The following RAVER1 variants were observed in gnomAD, a reference collection of about 807,000 sequenced individuals.
RAVER1 encodes ribonucleoprotein PTB-binding 1.
RAVER1 carries 36 observed loss-of-function variants against 68.4 expected under a neutral mutation model. That is an observed-to-expected ratio of 0.53 (90% CI 0.40 to 0.70). The LOEUF is 0.70. Among genes scored for constraint, RAVER1 ranks in the 30% least tolerant of loss-of-function variants. RAVER1 has a pLI of 0.00. For synonymous variants in RAVER1, 469 were observed against 472.7 expected (o/e 0.99, Z 0.10); for missense variants, 933 against 1,019.8 (o/e 0.91, Z 1.16).
rs141673672 is a variant in RAVER1 at position 10,327,349 on chromosome 19, G to A, written c.756+1293C>T. 1.2e-3 allele frequency among the ~76,000 whole-genome samples: 180 copies of A among 151,558 alleles called. 1 individual carries two copies. Among genetic ancestry groups the A allele is most frequent in the African/African-American group, 4.0e-3 (165 of 41,316 alleles). Reference sequence around the variant, plus strand: ...TGCGATCATGGCTCACTGCAGCCTCGGACTCCCAGAATCAGGCAATCCTCC... The same window carrying A: ...TGCGATCATGGCTCACTGCAGCCTCAGACTCCCAGAATCAGGCAATCCTCC... On this transcript the variant is annotated intron_variant, in intron 3 of 12. Transcript: ENST00000617231.
In RAVER1 at chr19:10,317,652, G is replaced by T. The variant is rs1206461009; in HGVS notation, c.2073+38C>A. 6.5e-7 allele frequency: 1 copy of T among 1,538,652 alleles called. No homozygotes were observed. Among genetic ancestry groups the T allele is most frequent in the South Asian group, 1.2e-5 (1 of 85,456 alleles). ...GGTCAGGGGCCGCTGGGGGGCCGGG[G>T]CTTCCCAGCCCTGCATGTCCCCACC... is the stretch of plus-strand genomic sequence containing the variant. On this transcript the variant is annotated intron_variant, in intron 12 of 12. Coordinates refer to ENST00000617231, the MANE Select transcript of RAVER1 (RefSeq NM_133452.3). This position sits in a 1 kb window ranked among gnomAD's most constrained non-coding sequence, Gnocchi z 4.3.
chr19:10,321,569 GC>G lies in RAVER1; in HGVS notation c.1222del (p.Ala408ProfsTer99). The G allele has an allele frequency of 2.9e-6, 4 of 1,378,176 alleles. No homozygotes were observed. The highest frequency in any genetic ancestry group is 4.2e-5 in the South Asian group (2 of 48,090). The allele number at this position is 1,378,176 out of a possible 1,614,324, so 85.4% of individuals were successfully genotyped here. A position where few individuals can be genotyped will look rare whatever the true frequency, so the allele number is the denominator to read the frequency against. On this transcript the variant is annotated frameshift_variant, in exon 7 of 13. Transcript: ENST00000617231. LOFTEE classifies it high-confidence loss of function. ...DSPLGALQPG[A>X]QPANPLLGEL... ...CCCGAGGAGGGGGTTGGCTGGCTGG[GC>G]CCCAGGCTGGAGGGCGCCCAGGGGT...
rs749663647 is a variant in RAVER1, at chr19:10,317,501, C to G, written c.2173G>C (p.Gly725Arg). 6.2e-7 allele frequency: 1 copy of G among 1,613,628 alleles called. No homozygotes were observed. Among genetic ancestry groups the G allele is most frequent in the Non-Finnish European group, 8.5e-7 (1 of 1,179,666 alleles). ...SYVGQHSQGL[G>R]GHYADSYLKR... ...AGGTAGGAGTCCGCGTAGTGGCCGC[C>G]GAGGCCCTGGGAGTGCTGGCCCACA... Residue 725 changes from glycine to arginine, a missense_variant, in exon 13 of 13, where the codon GGC (glycine) becomes CGC (arginine). This residue lies in a region of RAVER1 where 699 missense variants were observed against 731.1 expected (regional missense o/e 0.96). Coordinates refer to ENST00000617231, the MANE Select transcript of RAVER1 (RefSeq NM_133452.3). This position sits in a 1 kb window ranked among gnomAD's most constrained non-coding sequence, Gnocchi z 4.3.
chr19:10,321,742 G>A, intron 6 of RAVER1, 124 bp from the exon 7 acceptor site: 1 of 670,770 alleles, frequency 1.5e-6, no homozygotes, highest in Middle Eastern at 2.7e-4. Context: ...GGGCAGACAG[G>A]CACAGGGTTC....
At chr19:10,327,119 T>A (rs368328574) in intron 3 of RAVER1, among the ~76,000 whole-genome samples, 1 of 152,050 alleles carries the variant, frequency 6.6e-6, no homozygotes, top group Non-Finnish European at 1.5e-5. Flanking sequence ...TTGCCCAGGC[T>A]AGTCTTGAAC....
chr19:10,328,996 C>T lies in RAVER1; in HGVS notation c.402G>A (p.Leu134=). 1 of 1,587,446 alleles carries T rather than the reference C, an allele frequency of 6.3e-7. No individual in the cohort carries two copies. The highest frequency in any genetic ancestry group is 8.6e-7 in the Non-Finnish European group (1 of 1,163,972). Residue 134 remains leucine, a synonymous_variant, in exon 3 of 13, where the codon CTG becomes CTA. Coordinates refer to ENST00000617231, the MANE Select transcript of RAVER1 (RefSeq NM_133452.3). The surrounding 1 kb of genome is among the most constrained non-coding windows in gnomAD (Gnocchi z 4.4). ...GGCTGGGGGGCAGGTTGGCCACACA[C>T]AGCAGGGCATCCGTGGGCTGCAGCT... is the stretch of plus-strand genomic sequence containing the variant. ...SVQLQPTDAL[L]CVANLPPSLT... is the part of the protein sequence containing the mutation.
chr19:10,320,493 G>C (rs957086429), intron 9 of RAVER1, among the ~76,000 whole-genome samples, 162 bp downstream of exon 9: 1 of 141,516 alleles, frequency 7.1e-6, no homozygotes, highest in Non-Finnish European at 1.5e-5. Context: ...AGCAGAGGGA[G>C]ACCCTGTCTC....
At chr19:10,331,070 C>A (rs2040512040) in intron 1 of RAVER1, among the ~76,000 whole-genome samples, 1 of 150,952 alleles carries the variant, frequency 6.6e-6, no homozygotes, top group South Asian at 2.1e-4. Context: ...AACAACAAGG[C>A]CGGGCGCGGT....
In RAVER1 at chr19:10,328,140, C is replaced by CA. The variant is rs2145080507; in HGVS notation, c.756+501dup. ...AATGCCTGGTCCAGGTCTGGGACCC[C>CA]ATGGGAGGTTTGACGAGGGTACCAG... On this transcript the variant is annotated intron_variant, in intron 3 of 12. Transcript: ENST00000617231. This position sits in a 1 kb window ranked among gnomAD's most constrained non-coding sequence, Gnocchi z 4.4. Among the ~76,000 whole-genome samples, 1 of 152,212 alleles carries CA rather than the reference C, an allele frequency of 6.6e-6. No individual in the cohort carries two copies. Among genetic ancestry groups the CA allele is most frequent in the African/African-American group, 2.4e-5 (1 of 41,546 alleles).
In RAVER1 at chr19:10,319,263, C is replaced by T. The variant is rs2040416854; in HGVS notation, c.1771-23G>A. On this transcript the variant is annotated intron_variant, in intron 9 of 12. Coordinates refer to ENST00000617231, the MANE Select transcript of RAVER1 (RefSeq NM_133452.3). The stretch of plus-strand genomic sequence containing the variant: ...GTCCTGAATGAAAGCGGGAGAAGCA[C>T]ATTGGGTTGGAGTCTGTCCCAGCCT... 3 of 1,612,024 alleles carry T rather than the reference C, an allele frequency of 1.9e-6. No individual in the cohort carries two copies. In the African/African-American group the frequency reaches 4.0e-5, roughly 21 times the overall value.
chr19:10,319,847 T>TCAGGCTGGTCTTGAACTCTTGAC (rs1363379019), intron 9 of RAVER1, among the ~76,000 whole-genome samples: 1 of 151,080 alleles, frequency 6.6e-6, no homozygotes, highest in Non-Finnish European at 1.5e-5. Context: ...TCCATGTTGG[T>TCAGGCTGGTCTTGAACTCTTGAC]CAGGCTGGTC....
intron 1 of RAVER1, among the ~76,000 whole-genome samples, chr19:10,331,390 C>CAAAAAAAAAAAAAAAAAAA (rs1568314187): frequency 3.1e-5 from 1 of 31,756 alleles, no homozygotes; most frequent in Non-Finnish European, 5.9e-5. Flanking sequence ...AAAATAACAA[C>CAAAAAAAAAAAAAAAAAAA]AACAAAAAAA....
intron 10 of RAVER1, 81 bp downstream of exon 10, chr19:10,319,085 G>A (rs1489753484): frequency 1.5e-6 from 2 of 1,315,038 alleles, no homozygotes; most frequent in Non-Finnish European, 2.2e-6. Context: ...AAGGTCTGCT[G>A]TTCCAGGCTA....
rs190240274 is a variant in RAVER1, at chr19:10,325,701, T to A, written c.757-2135A>T. On this transcript the variant is annotated intron_variant, in intron 3 of 12. Transcript: ENST00000617231. ...TGATGCATTCCTGTAGTTCCCCAGC[T>A]ACATGGGAGGCCAAGGTAGGAGGAT... is the stretch of plus-strand genomic sequence containing the variant. Among the ~76,000 whole-genome samples, 67 of 152,022 alleles carry A rather than the reference T, an allele frequency of 4.4e-4. No homozygotes were observed. The Middle Eastern group carries it at 0.014, about 31-fold the overall frequency.
rs953508758 is a variant in RAVER1, at chr19:10,333,404, T to C, written c.104A>G (p.Glu35Gly). 9.9e-6 allele frequency: 16 copies of C among 1,613,700 alleles called. No individual in the cohort carries two copies. Among genetic ancestry groups the C allele is most frequent in the Non-Finnish European group, 1.4e-5 (16 of 1,179,774 alleles). ...DAAERRAPEE[E>G]LPPLDPEEIR... The stretch of plus-strand genomic sequence containing the variant: ...CTCTTCTGGATCTAGAGGCGGCAGC[T>C]CTTCTTCCGGCGCCCGGCGCTCCGC... Residue 35 changes from glutamate to glycine, a missense_variant, in exon 1 of 13, where the codon GAG (glutamate) becomes GGG (glycine). By Grantham distance (98) the Glu-to-Gly change is moderately conservative. Transcript: ENST00000617231. This position sits in a 1 kb window ranked among gnomAD's most constrained non-coding sequence, Gnocchi z 4.2.
chr19:10,319,109 C>G, intron 10 of RAVER1, 57 bp downstream of exon 10: 1 of 1,506,820 alleles, frequency 6.6e-7, no homozygotes, highest in Non-Finnish European at 9.2e-7. Flanking sequence ...AGTCATGGCA[C>G]AGCCTGTCAT....
intron 9 of RAVER1, 30 bp downstream of exon 9, chr19:10,320,625 G>A: frequency 6.7e-7 from 1 of 1,487,270 alleles, no homozygotes; most frequent in Non-Finnish European, 8.9e-7. Flanking sequence ...TTTGGCCTTA[G>A]GGGACAGAGA....
At chr19:10,332,258 A>G (rs1002596672) in intron 1 of RAVER1, among the ~76,000 whole-genome samples, 5 of 152,138 alleles carry the variant, frequency 3.3e-5, no homozygotes, top group Admixed American at 1.3e-4. Context: ...TCAGCCTCTC[A>G]AAGTGCTGGG....
rs762230332 is a variant in RAVER1, at chr19:10,333,494, A to T, written c.14T>A (p.Val5Glu). Residue 5 changes from valine (V) to glutamate (E), a missense_variant, in exon 1 of 13, where the codon GTG (valine) becomes GAG (glutamate). Coordinates refer to ENST00000617231, the MANE Select transcript of RAVER1 (RefSeq NM_133452.3). This position sits in a 1 kb window ranked among gnomAD's most constrained non-coding sequence, Gnocchi z 4.2. MAAD[V>E]SVTHRPPLSP... ...CAGCGGGGGCCGGTGAGTAACGGAC[A>T]CGTCCGCCGCCATCTTGGGAAACCC... 3 of 1,600,110 alleles carry T rather than the reference A, an allele frequency of 1.9e-6. No individual in the cohort carries two copies. The highest frequency in any genetic ancestry group is 1.1e-5 in the South Asian group (1 of 90,894).
Sources: allele counts gnomAD v4.1 joint callset (sites outside exome capture counted in the v4.1 genomes callset), GRCh38; gene constraint gnomAD v4.1.1; regional missense constraint gnomAD v4.1.1; non-coding constraint Gnocchi (gnomAD v3.1); transcripts MANE v1.5; gene names NCBI Gene and HGNC (gene_info 2026-07-23, HGNC 2026-07-21).